Variants in AHR observed in about 807,000 individuals in gnomAD.
AHR encodes AH-receptor.
AHR carries 40 observed loss-of-function variants against 86.8 expected under a neutral mutation model. The observed-to-expected ratio is 0.46, with a 90% CI of 0.36 to 0.60. The LOEUF is 0.60. AHR is among the 20% of genes least tolerant of loss of function. The pLI, the probability that AHR is intolerant of heterozygous loss-of-function variation, is 0.00. For missense variants in AHR, 1,001 were observed against 1,011.6 expected, an observed-to-expected ratio of 0.99 and a Z score of 0.14; for synonymous variants, 398 against 354.9, an observed-to-expected ratio of 1.12 and a Z score of -1.37.
chr7:17,328,779 G>A (rs1782254592), intron 4 of AHR, among the ~76,000 whole-genome samples: 1 of 151,898 alleles, frequency 6.6e-6, no homozygotes, highest in Non-Finnish European at 1.5e-5. Context: ...TTCAACTTGT[G>A]TTTCAGATGC....
chr7:17,322,797 G>A (rs1782188346), intron 3 of AHR, among the ~76,000 whole-genome samples, 190 bp downstream of exon 3: 1 of 152,020 alleles, frequency 6.6e-6, no homozygotes, highest in African/African-American at 2.4e-5. Flanking sequence ...ACCATATAAT[G>A]ATGTTTCAGT....
Position 17,339,194 on chromosome 7 carries a change from C to T in AHR, c.1369C>T (p.Leu457=). The T allele has an allele frequency of 6.2e-7, 1 of 1,614,202 alleles. No homozygotes were observed. Among genetic ancestry groups the T allele is most frequent in the Non-Finnish European group, 8.5e-7 (1 of 1,180,036 alleles). Residue 457 remains leucine, a synonymous_variant, in exon 10 of 11, where the codon CTG becomes TTG. Transcript: ENST00000242057. ...SKDSLNPSSL[L]AAMMQQDESI... Reference sequence around the variant, plus strand: ...GGACTCTCTCAATCCTAGTTCCCTCCTGGCTGCCATGATGCAACAAGATGA... The same window carrying T: ...GGACTCTCTCAATCCTAGTTCCCTCTTGGCTGCCATGATGCAACAAGATGA...
At chr7:17,305,866 G>T (rs765525828) in intron 1 of AHR, among the ~76,000 whole-genome samples, 2 of 152,076 alleles carry the variant, frequency 1.3e-5, no homozygotes, top group African/African-American at 4.8e-5. Flanking sequence ...TGTTAAAAAG[G>T]CTTTCAAGAT....
Position 17,310,069 on chromosome 7 carries a change from C to G in AHR, c.199C>G (p.Leu67Val). The G allele has an allele frequency of 6.2e-7, 1 of 1,614,004 alleles. No homozygotes were observed. Among genetic ancestry groups the G allele is most frequent in the Admixed American group, 1.7e-5 (1 of 59,998 alleles). ...AGATGTTATTAATAAGTTGGACAAA[C>G]TTTCAGTTCTTAGGCTCAGCGTCAG... Reference protein sequence around the residue: ...PQDVINKLDKLSVLRLSVSYL... With the variant: ...PQDVINKLDKVSVLRLSVSYL... The change falls in exon 2 of 11, where the codon CTT (leucine) becomes GTT (valine). Residue 67 changes from leucine (L) to valine (V), a missense_variant. Around this residue, in one of 2 missense-constraint regions of AHR, gnomAD observed 394 missense variants for 468.5 expected, o/e 0.84. Transcript: ENST00000242057.
chr7:17,299,911 G>T (rs899943530), intron 1 of AHR, among the ~76,000 whole-genome samples: 6 of 152,290 alleles, frequency 3.9e-5, no homozygotes, highest in East Asian at 3.9e-4. Flanking sequence ...TGACCATATC[G>T]GTAAAGTGGA....
intron 2 of AHR, among the ~76,000 whole-genome samples, chr7:17,320,824 A>G (rs1342727567): frequency 2.6e-5 from 4 of 152,090 alleles, no homozygotes; most frequent in Non-Finnish European, 4.4e-5. Flanking sequence ...TTTTGGCCTA[A>G]GGAAATCTGT....
At chr7:17,331,295 A>G (rs1275171440) in intron 6 of AHR, among the ~76,000 whole-genome samples, 1 of 152,080 alleles carries the variant, frequency 6.6e-6, no homozygotes, top group Non-Finnish European at 1.5e-5. Flanking sequence ...TTAGTTTAAC[A>G]TTAAGTTATA....
intron 2 of AHR, among the ~76,000 whole-genome samples, chr7:17,315,149 T>C (rs1201424421): frequency 6.6e-6 from 1 of 152,024 alleles, no homozygotes; most frequent in East Asian, 1.9e-4. Context: ...CATGAATAAA[T>C]ACAAAGAATA....
At position 17,306,873 on chromosome 7, in the gene AHR, G is replaced by C. The variant is rs17137534; in HGVS notation, c.66-3063G>C. Among the ~76,000 whole-genome samples, 1,295 of 152,004 alleles carry C rather than the reference G, an allele frequency of 8.5e-3. 17 individuals carry two copies. Among genetic ancestry groups the C allele is most frequent in the African/African-American group, 0.028 (1,167 of 41,474 alleles). ...CAGGTTGTGATCATTCCTTTTCTTG[G>C]CACTTTTGGTCAGCAAACATTAATT... On this transcript the variant is annotated intron_variant, in intron 1 of 10. Transcript: ENST00000242057.
chr7:17,299,224 G>T lies in AHR; in HGVS notation c.-41G>T. On this transcript the variant is annotated 5_prime_UTR_variant, in exon 1 of 11. Transcript: ENST00000242057. ...TACACCGGGTTCCGGGGACCCGGCC[G>T]CCAGTGCCCGGGGAGTAGCCGCCGC... 1.2e-6 allele frequency: 2 copies of T among 1,600,732 alleles called. No homozygotes were observed. Among genetic ancestry groups the T allele is most frequent in the South Asian group, 1.1e-5 (1 of 89,764 alleles).
chr7:17,335,544 G>C, intron 8 of AHR, 101 bp from the exon 9 acceptor site: 2 of 953,738 alleles, frequency 2.1e-6, no homozygotes, highest in Non-Finnish European at 2.9e-6. Context: ...GGGGATAAAG[G>C]AAATACATCC....
At chr7:17,316,265 G>C (rs1009401871) in intron 2 of AHR, among the ~76,000 whole-genome samples, 1 of 152,164 alleles carries the variant, frequency 6.6e-6, no homozygotes, top group South Asian at 2.1e-4. Context: ...GGTGATTTCT[G>C]TTCCTTGTTT....
chr7:17,321,404 C>T (rs1042715333), intron 2 of AHR, among the ~76,000 whole-genome samples: 1 of 151,814 alleles, frequency 6.6e-6, no homozygotes, highest in Non-Finnish European at 1.5e-5. Flanking sequence ...GAGACAGGCT[C>T]AAATAACTCC....
intron 3 of AHR, among the ~76,000 whole-genome samples, chr7:17,323,701 A>G (rs890544076): frequency 1.3e-5 from 2 of 152,172 alleles, no homozygotes; most frequent in African/African-American, 2.4e-5. Flanking sequence ...CTAATAATAT[A>G]ACATTTTTAT....
intron 1 of AHR, among the ~76,000 whole-genome samples, chr7:17,301,389 CT>C (rs1178714995): frequency 6.6e-6 from 1 of 151,870 alleles, no homozygotes; most frequent in Non-Finnish European, 1.5e-5. Flanking sequence ...AGTTTGTGGC[CT>C]AATGAGCCCC....
intron 7 of AHR, 114 bp downstream of exon 7, chr7:17,334,228 A>T (rs1782331602): frequency 5.8e-6 from 5 of 855,990 alleles, no homozygotes; most frequent in South Asian, 5.3e-5. Flanking sequence ...TAGATTGGCT[A>T]TTATCGTACA....
rs1480312961 is a variant in AHR, at chr7:17,345,515, G to C, written c.*2451G>C. 1 of 152,542 alleles carries C rather than the reference G, an allele frequency of 6.6e-6. No homozygotes were observed. Among genetic ancestry groups the C allele is most frequent in the Non-Finnish European group, 1.5e-5 (1 of 68,006 alleles). The allele number at this position is 152,542 out of a possible 1,614,324, so 9.4% of individuals were successfully genotyped here. On this transcript the variant is annotated 3_prime_UTR_variant, in exon 11 of 11. Coordinates refer to ENST00000242057, the MANE Select transcript of AHR (RefSeq NM_001621.5). ...CCAGCATGAGGTATCTAAGGATTTA[G>C]ACCAGAGGTCTAGATTAATACTCTA...
At chr7:17,329,017 A>T (rs902058606) in intron 4 of AHR, among the ~76,000 whole-genome samples, 7 of 151,968 alleles carry the variant, frequency 4.6e-5, no homozygotes, top group Non-Finnish European at 7.4e-5. Context: ...TCAGGATTTG[A>T]TATTGTGATT....
At chr7:17,332,617 A>G (rs912779311) in intron 6 of AHR, among the ~76,000 whole-genome samples, 5 of 151,988 alleles carry the variant, frequency 3.3e-5, no homozygotes, top group African/African-American at 7.2e-5. Flanking sequence ...TAAGGATATA[A>G]AGAAAGAAAA....
Sources: gnomAD v4.1 joint callset for allele counts (sites outside exome capture counted in the v4.1 genomes callset) on GRCh38, gnomAD v4.1.1 for gene constraint, gnomAD v4.1.1 regional missense constraint, MANE v1.5 for transcripts, NCBI Gene and HGNC (gene_info 2026-07-23, HGNC 2026-07-21) for gene names.